The following NTM variants were observed in gnomAD, a reference collection of about 807,000 sequenced individuals.
NTM encodes neurotrimin.
In NTM, 13 loss-of-function variants were observed where a neutral mutation model predicts 42.1. The ratio of observed to expected loss-of-function variants is 0.31; its 90% CI spans 0.20 to 0.49. The LOEUF is 0.49. Ranked by LOEUF, NTM falls within the 20% of genes least tolerant of loss-of-function variation. The probability of loss-of-function intolerance (pLI) is 0.99; values close to 1 mark genes in which losing one functional copy is unlikely to be tolerated. For missense variants in NTM, 373 were observed against 452.8 expected, an observed-to-expected ratio of 0.82 and a Z score of 1.60; for synonymous variants, 187 against 179.2, an observed-to-expected ratio of 1.04 and a Z score of -0.35.
intron 1 of NTM, among the ~76,000 whole-genome samples, chr11:131,720,586 A>G (rs1021846866): frequency 6.6e-6 from 1 of 152,208 alleles, no homozygotes; most frequent in African/African-American, 2.4e-5. Flanking sequence ...AATGGTGGCA[A>G]TGTTGAGATT....
intron 2 of NTM, among the ~76,000 whole-genome samples, chr11:131,971,315 T>G (rs1007307518): frequency 1.3e-5 from 2 of 152,230 alleles, no homozygotes; most frequent in African/African-American, 4.8e-5. Context: ...ATTTCTCTGG[T>G]CACTGGTGTG....
chr11:131,940,984 T>G (rs1258802435), intron 2 of NTM, among the ~76,000 whole-genome samples: 1 of 152,200 alleles, frequency 6.6e-6, no homozygotes, highest in African/African-American at 2.4e-5. Flanking sequence ...AGGTTTCCTC[T>G]TCGATGATTC....
intron 2 of NTM, among the ~76,000 whole-genome samples, chr11:132,114,501 C>T (rs2063620706): frequency 6.6e-6 from 1 of 152,140 alleles, no homozygotes; most frequent in Admixed American, 6.5e-5. Flanking sequence ...TCATAAAAAC[C>T]CTGCTCTCCC....
At chr11:131,965,235 C>T (rs757251106) in intron 2 of NTM, among the ~76,000 whole-genome samples, 8 of 152,038 alleles carry the variant, frequency 5.3e-5, no homozygotes, top group South Asian at 2.1e-4. Context: ...GAATGAGGGA[C>T]GCACAGGCCA....
intron 2 of NTM, among the ~76,000 whole-genome samples, chr11:131,964,520 T>C (rs1003577340): frequency 7.9e-5 from 12 of 152,188 alleles, no homozygotes; most frequent in Admixed American, 7.9e-4. Flanking sequence ...ATTATTAATA[T>C]TAAGCAAGTA....
chr11:131,994,054 A>G (rs138818715), intron 2 of NTM, among the ~76,000 whole-genome samples: 244 of 152,072 alleles, frequency 1.6e-3, no homozygotes, highest in African/African-American at 5.4e-3. Context: ...CATAAACAGC[A>G]GCATAATAGA....
At chr11:131,911,716 G>GGT (rs1016846266) in intron 2 of NTM, 68 bp downstream of exon 2, 1 of 1,594,420 alleles carries the variant, frequency 6.3e-7, no homozygotes, top group Admixed American at 1.7e-5. Context: ...CAGGGGTGCA[G>GGT]GTGTGTGCAC....
At chr11:132,212,170 T>C (rs748588327) in intron 4 of NTM, 23 bp downstream of exon 4, 2 of 1,604,034 alleles carry the variant, frequency 1.2e-6, no homozygotes, top group Admixed American at 3.4e-5. Flanking sequence ...TTTGTTGCAT[T>C]GCATCATGAG....
intron 1 of NTM, among the ~76,000 whole-genome samples, chr11:131,675,323 A>C (rs746455613): frequency 6.6e-6 from 1 of 152,214 alleles, no homozygotes; most frequent in Non-Finnish European, 1.5e-5. Flanking sequence ...ACATTTTTAA[A>C]TTCTTATTAC....
chr11:132,072,575 G>A (rs1264191574), intron 2 of NTM, among the ~76,000 whole-genome samples: 1 of 152,190 alleles, frequency 6.6e-6, no homozygotes, highest in Non-Finnish European at 1.5e-5. Context: ...ATACTAAGTG[G>A]AGATGTGAAT....
chr11:132,262,295 C>T (rs2092909331), intron 4 of NTM, among the ~76,000 whole-genome samples: 1 of 152,212 alleles, frequency 6.6e-6, no homozygotes, highest in African/African-American at 2.4e-5. Context: ...CTCCCCACTG[C>T]CTCAGGTTCC....
At chr11:131,809,085 G>T (rs1051213758) in intron 1 of NTM, among the ~76,000 whole-genome samples, 1 of 152,202 alleles carries the variant, frequency 6.6e-6, no homozygotes, top group African/African-American at 2.4e-5. Flanking sequence ...TAGCATATAT[G>T]CATAGACCAT....
chr11:131,451,447 T>A, intron 1 of NTM, among the ~76,000 whole-genome samples: 1 of 152,180 alleles, frequency 6.6e-6, no homozygotes, highest in African/African-American at 2.4e-5. Flanking sequence ...GAAATTCCTC[T>A]GGGCTCATGT....
intron 2 of NTM, among the ~76,000 whole-genome samples, chr11:132,097,439 G>A (rs913902817): frequency 6.6e-6 from 1 of 152,186 alleles, no homozygotes; most frequent in African/African-American, 2.4e-5. Flanking sequence ...GGTGCTGATG[G>A]CTCACTGTTC....
chr11:131,854,211 C>G (rs1200750511), intron 1 of NTM, among the ~76,000 whole-genome samples: 1 of 152,172 alleles, frequency 6.6e-6, no homozygotes, highest in Admixed American at 6.5e-5. Flanking sequence ...TATGAAGAGG[C>G]TCTCTGAGCT....
chr11:132,130,073 T>G (rs1336454985), intron 2 of NTM, among the ~76,000 whole-genome samples: 2 of 152,192 alleles, frequency 1.3e-5, no homozygotes, highest in African/African-American at 2.4e-5. Context: ...AATTCCAGAG[T>G]CTGTTAGGAC....
intron 3 of NTM, among the ~76,000 whole-genome samples, chr11:132,195,643 A>G (rs2080086790): frequency 6.6e-6 from 1 of 152,186 alleles, no homozygotes; most frequent in African/African-American, 2.4e-5. Flanking sequence ...AGGCCTCAGA[A>G]ATAAAGTTTC....
intron 2 of NTM, among the ~76,000 whole-genome samples, chr11:131,954,501 C>T (rs931647047): frequency 1.3e-5 from 2 of 152,158 alleles, no homozygotes; most frequent in South Asian, 2.1e-4. Context: ...TCAGGGCTCC[C>T]GATGATACAG....
chr11:131,862,672 T>G (rs752623569), intron 1 of NTM, among the ~76,000 whole-genome samples: 4 of 152,248 alleles, frequency 2.6e-5, no homozygotes, highest in Non-Finnish European at 5.9e-5. Context: ...AGGACTTTCA[T>G]GTTCCTCTTA....
Sources: allele counts gnomAD v4.1 joint callset (sites outside exome capture counted in the v4.1 genomes callset), GRCh38; gene constraint gnomAD v4.1.1; transcripts MANE v1.5; gene names NCBI Gene and HGNC (gene_info 2026-07-23, HGNC 2026-07-21).